CCDC178: variants seen among roughly 807,000 people sequenced by gnomAD.
The protein encoded by CCDC178 is coiled-coil domain containing 178, also known as coiled-coil domain-containing protein 178.
In CCDC178, 126 loss-of-function variants were observed where a neutral mutation model predicts 117.4. The ratio of observed to expected loss-of-function variants is 1.07; its 90% CI spans 0.93 to 1.24. The LOEUF is 1.24. Ranked by LOEUF, CCDC178 falls within the 50% of genes most tolerant of loss-of-function variation. The probability of loss-of-function intolerance (pLI) is 0.00; values close to 1 mark genes in which losing one functional copy is unlikely to be tolerated. For missense variants in CCDC178, 1,030 were observed against 986.9 expected (o/e 1.04, Z -0.59); for synonymous variants, 283 against 313.4 (o/e 0.90, Z 1.02).
intron 21 of CCDC178, among the ~76,000 whole-genome samples, chr18:33,056,375 C>A (rs750374158): frequency 1.3e-5 from 2 of 152,292 alleles, no homozygotes; most frequent in East Asian, 1.9e-4. Context: ...AGATTGTCAT[C>A]AAATATGGTT....
chr18:33,392,057 G>A (rs559372084), intron 4 of CCDC178, among the ~76,000 whole-genome samples: 3 of 151,778 alleles, frequency 2.0e-5, no homozygotes, highest in Admixed American at 6.6e-5. Context: ...TAGAGATGGG[G>A]TTTTGTCATG....
At chr18:33,135,520 C>A (rs2058114351) in intron 20 of CCDC178, among the ~76,000 whole-genome samples, 1 of 152,060 alleles carries the variant, frequency 6.6e-6, no homozygotes, top group Non-Finnish European at 1.5e-5. Context: ...CACACAATTA[C>A]ATAGAATTAC....
At chr18:33,185,879 G>A (rs571592937) in intron 20 of CCDC178, among the ~76,000 whole-genome samples, 3 of 151,474 alleles carry the variant, frequency 2.0e-5, no homozygotes, top group Non-Finnish European at 4.4e-5. Context: ...TGGTTCACCA[G>A]AATATCTCTA....
At chr18:33,223,807 A>G (rs1202757524) in intron 17 of CCDC178, among the ~76,000 whole-genome samples, 4 of 152,168 alleles carry the variant, frequency 2.6e-5, no homozygotes, top group African/African-American at 4.8e-5. Flanking sequence ...AGCCATCATT[A>G]AAATCATTTA....
intron 12 of CCDC178, among the ~76,000 whole-genome samples, chr18:33,284,876 G>C (rs1431143055): frequency 6.6e-6 from 1 of 151,548 alleles, no homozygotes; most frequent in Non-Finnish European, 1.5e-5. Context: ...AAGAATATCA[G>C]GAAATGCAAC....
At chr18:33,194,285 C>T (rs2058898664) in intron 20 of CCDC178, among the ~76,000 whole-genome samples, 1 of 152,140 alleles carries the variant, frequency 6.6e-6, no homozygotes, top group Non-Finnish European at 1.5e-5. Flanking sequence ...AAAATTGCCA[C>T]TTAGAGTAGT....
At chr18:33,108,132 T>C (rs2057732638) in intron 20 of CCDC178, among the ~76,000 whole-genome samples, 1 of 151,616 alleles carries the variant, frequency 6.6e-6, no homozygotes, top group Admixed American at 6.6e-5. Flanking sequence ...TTTCCCTTTT[T>C]GACCTATATC....
intron 20 of CCDC178, among the ~76,000 whole-genome samples, chr18:33,174,206 A>C (rs2058637411): frequency 6.6e-6 from 1 of 152,036 alleles, no homozygotes; most frequent in Non-Finnish European, 1.5e-5. Context: ...AAACGACCAG[A>C]TCTTGTAACA....
intron 21 of CCDC178, among the ~76,000 whole-genome samples, chr18:32,998,610 A>C (rs1001690624): frequency 1.1e-4 from 16 of 152,162 alleles, no homozygotes; most frequent in African/African-American, 3.6e-4. Context: ...GGAGTAAAGA[A>C]GACATTGTCT....
intron 2 of CCDC178, among the ~76,000 whole-genome samples, chr18:33,424,082 C>T (rs888272935): frequency 4.0e-5 from 6 of 151,744 alleles, no homozygotes; most frequent in Admixed American, 3.3e-4. Context: ...GCCATTTTTC[C>T]CTCCTTTATC....
intron 15 of CCDC178, among the ~76,000 whole-genome samples, chr18:33,230,288 A>T (rs1171682086): frequency 6.6e-6 from 1 of 151,970 alleles, no homozygotes; most frequent in African/African-American, 2.4e-5. Context: ...TAATTATCAT[A>T]TCCATTAGTG....
intron 21 of CCDC178, among the ~76,000 whole-genome samples, chr18:33,063,006 A>G (rs1437179475): frequency 1.3e-5 from 2 of 152,170 alleles, no homozygotes; most frequent in African/African-American, 4.8e-5. Flanking sequence ...CCTGATAGCC[A>G]TCTGCCCTGG....
chr18:33,402,359 G>A (rs979200775), intron 3 of CCDC178, among the ~76,000 whole-genome samples: 1 of 152,174 alleles, frequency 6.6e-6, no homozygotes, highest in South Asian at 2.1e-4. Context: ...AACATTTGTG[G>A]CTTCTTAACT....
intron 21 of CCDC178, among the ~76,000 whole-genome samples, chr18:33,003,124 C>G (rs1485479163): frequency 6.6e-6 from 1 of 152,098 alleles, no homozygotes; most frequent in Non-Finnish European, 1.5e-5. Context: ...ACCAATCCTA[C>G]TTAAACTATT....
At position 33,303,680 on chromosome 18, in the gene CCDC178, A is replaced by T. The variant is rs560473567; in HGVS notation, c.1023-10368T>A. ...TCAAAAACATAAAGTCTAGTTTTTA[A>T]AAAAAAAAAAAACTATGAAAAAAAT... is the stretch of plus-strand genomic sequence containing the variant. On this transcript the variant is annotated intron_variant, in intron 11 of 22. Coordinates refer to ENST00000383096, the MANE Select transcript of CCDC178 (RefSeq NM_001105528.4). Among the ~76,000 whole-genome samples the T allele has an allele frequency of 7.8e-3, 1,161 of 149,434 alleles. 16 individuals are homozygous for T. The highest frequency in any genetic ancestry group is 0.047 in the South Asian group (223 of 4,784).
Position 32,937,989 on chromosome 18 carries a change from C to A in CCDC178, c.*22G>T. ...CTTTTCTTGTCTTTTATTTCAGCAT[C>A]CAAGATACATTGGTTGTTTGCTTAA... On this transcript the variant is annotated 3_prime_UTR_variant, in exon 23 of 23. Transcript: ENST00000383096. The A allele has an allele frequency of 6.4e-7, 1 of 1,562,478 alleles. No homozygotes were observed. Among genetic ancestry groups the A allele is most frequent in the South Asian group, 1.1e-5 (1 of 89,978 alleles).
chr18:33,301,235 G>T (rs1301235251), intron 11 of CCDC178, among the ~76,000 whole-genome samples: 1 of 152,228 alleles, frequency 6.6e-6, no homozygotes, highest in Admixed American at 6.5e-5. Context: ...AAGCCTGTGG[G>T]TGCATAGAAT....
intron 3 of CCDC178, among the ~76,000 whole-genome samples, chr18:33,403,789 G>A (rs1385641201): frequency 6.6e-6 from 1 of 152,124 alleles, no homozygotes; most frequent in Non-Finnish European, 1.5e-5. Flanking sequence ...TTAACTATTG[G>A]AGGCTGAGTG....
chr18:32,998,783 C>T (rs1265265884), intron 21 of CCDC178, among the ~76,000 whole-genome samples: 1 of 152,070 alleles, frequency 6.6e-6, no homozygotes, highest in Non-Finnish European at 1.5e-5. Flanking sequence ...GGATTCAGCA[C>T]CTGCTGACCA....
Sources: allele counts gnomAD v4.1 joint callset (sites outside exome capture counted in the v4.1 genomes callset), GRCh38; gene constraint gnomAD v4.1.1; transcripts MANE v1.5; gene names NCBI Gene and HGNC (gene_info 2026-07-23, HGNC 2026-07-21).